The following HIP1 variants were observed in gnomAD, a reference collection of about 807,000 sequenced individuals.
HIP1 encodes the protein huntingtin interacting protein 1, also known as huntingtin-interacting protein 1.
In HIP1, 65 loss-of-function variants were observed where a neutral mutation model predicts 147.6. The ratio of observed to expected loss-of-function variants is 0.44; its 90% CI spans 0.36 to 0.54. The LOEUF (loss-of-function observed/expected upper bound fraction) is 0.54, where lower values mean the gene tolerates loss of function less well. Ranked by LOEUF, HIP1 falls within the 20% of genes least tolerant of loss-of-function variation. The pLI, the probability that HIP1 is intolerant of heterozygous loss-of-function variation, is 0.00. For synonymous variants in HIP1, 479 were observed against 504.0 expected, an observed-to-expected ratio of 0.95 and a Z score of 0.67; for missense variants, 1,061 against 1,299.6, an observed-to-expected ratio of 0.82 and a Z score of 2.82.
chr7:75,614,017 C>A (rs1182345177), intron 1 of HIP1, among the ~76,000 whole-genome samples: 18 of 151,408 alleles, frequency 1.2e-4, no homozygotes, highest in Non-Finnish European at 2.9e-5. Flanking sequence ...TGGGTTCAAG[C>A]AATCCTCCCA....
At chr7:75,670,776 C>T (rs1799707409) in intron 1 of HIP1, among the ~76,000 whole-genome samples, 1 of 118,478 alleles carries the variant, frequency 8.4e-6, no homozygotes, top group African/African-American at 3.5e-5. Flanking sequence ...CTGTACTCAG[C>T]TAATTAAAAC....
At chr7:75,653,654 T>C (rs991987882) in intron 1 of HIP1, among the ~76,000 whole-genome samples, 1 of 151,598 alleles carries the variant, frequency 6.6e-6, no homozygotes, top group Non-Finnish European at 1.5e-5. Flanking sequence ...AGCTCAGGAG[T>C]TTGAGACTAG....
At chr7:75,642,160 A>G (rs1388330980) in intron 1 of HIP1, among the ~76,000 whole-genome samples, 1 of 152,160 alleles carries the variant, frequency 6.6e-6, no homozygotes, top group Non-Finnish European at 1.5e-5. Flanking sequence ...GCACTTTGGG[A>G]GGCTGAGGTG....
chr7:75,601,311 G>T (rs1314688456), intron 1 of HIP1, among the ~76,000 whole-genome samples: 1 of 151,934 alleles, frequency 6.6e-6, no homozygotes, highest in Non-Finnish European at 1.5e-5. Context: ...GCTTATGGCC[G>T]GGCACAGTGG....
At chr7:75,636,024 C>CAAAA (rs34434184) in intron 1 of HIP1, among the ~76,000 whole-genome samples, 2 of 53,708 alleles carry the variant, frequency 3.7e-5, no homozygotes, top group African/African-American at 9.0e-5. Context: ...GACCCTGTCT[C>CAAAA]AAAAAAAAAA....
intron 4 of HIP1, 121 bp from the exon 5 acceptor site, chr7:75,586,954 AT>A: frequency 1.4e-6 from 1 of 696,328 alleles, no homozygotes; most frequent in Non-Finnish European, 2.6e-6. Context: ...TATTTTATTT[AT>A]TTAGAGATGG....
At chr7:75,606,326 T>C (rs1027157945) in intron 1 of HIP1, among the ~76,000 whole-genome samples, 7 of 152,102 alleles carry the variant, frequency 4.6e-5, no homozygotes, top group Non-Finnish European at 1.5e-5. Context: ...TCCAAGATGA[T>C]GCAGAGACTT....
chr7:75,567,359 C>G (rs1055696266), intron 9 of HIP1, among the ~76,000 whole-genome samples: 4 of 151,212 alleles, frequency 2.6e-5, no homozygotes, highest in African/African-American at 9.9e-5. Flanking sequence ...AGGATGAAGT[C>G]TGGGGCATAA....
At chr7:75,631,053 A>G (rs1280808017) in intron 1 of HIP1, among the ~76,000 whole-genome samples, 1 of 152,150 alleles carries the variant, frequency 6.6e-6, no homozygotes, top group Non-Finnish European at 1.5e-5. Flanking sequence ...TCTTGGGCTC[A>G]AGTGATCCAC....
chr7:75,533,832 G>C lies in HIP1; in HGVS notation c.*4340C>G. ...GAAGGAATTTGGCAGCAAACAGCTG[G>C]CTGGTTTGCTGCGCCGATGGCTGGC... is the stretch of plus-strand genomic sequence containing the variant. On this transcript the variant is annotated 3_prime_UTR_variant, in exon 31 of 31. Coordinates refer to ENST00000336926, the MANE Select transcript of HIP1 (RefSeq NM_005338.7). 4.3e-6 allele frequency: 1 copy of C among 235,232 alleles called. No homozygotes were observed. 14.6% of individuals were successfully genotyped at this position (235,232 alleles called of 1,614,324 possible). A position where few individuals can be genotyped will look rare whatever the true frequency, so the allele number is the denominator to read the frequency against.
intron 12 of HIP1, 51 bp downstream of exon 12, chr7:75,562,022 A>G (rs782082195): frequency 2.9e-6 from 3 of 1,045,164 alleles, no homozygotes; most frequent in African/African-American, 1.6e-5. Flanking sequence ...GAGGCAGACC[A>G]TGGCTTAACT....
intron 21 of HIP1, among the ~76,000 whole-genome samples, chr7:75,553,861 C>G (rs1015652001): frequency 1.3e-5 from 2 of 152,200 alleles, no homozygotes; most frequent in Non-Finnish European, 2.9e-5. Context: ...ACCTCGTCCT[C>G]CCAAAGTGTT....
intron 1 of HIP1, among the ~76,000 whole-genome samples, chr7:75,649,131 TCTC>T (rs1554511548): frequency 6.6e-6 from 1 of 152,116 alleles, no homozygotes; most frequent in Non-Finnish European, 1.5e-5. Context: ...TTCAAGCAAT[TCTC>T]CTGCCTCATC....
chr7:75,717,012 T>A (rs200882012), intron 1 of HIP1, among the ~76,000 whole-genome samples: 2 of 151,892 alleles, frequency 1.3e-5, no homozygotes, highest in East Asian at 3.9e-4. Context: ...AGAGATGGGG[T>A]CTCACTATAT....
At chr7:75,601,457 CG>C (rs1233101793) in intron 1 of HIP1, among the ~76,000 whole-genome samples, 15 of 151,876 alleles carry the variant, frequency 9.9e-5, no homozygotes, top group African/African-American at 3.4e-4. Flanking sequence ...GGCGTGGTGA[CG>C]GGCGCCTGTA....
At chr7:75,623,491 A>C (rs1797929024) in intron 1 of HIP1, among the ~76,000 whole-genome samples, 1 of 152,218 alleles carries the variant, frequency 6.6e-6, no homozygotes, top group Admixed American at 6.6e-5. Context: ...CAGATCCCAC[A>C]GTACAGACAC....
At chr7:75,577,602 T>C (rs587756246) in intron 7 of HIP1, among the ~76,000 whole-genome samples, 15 of 152,310 alleles carry the variant, frequency 9.8e-5, no homozygotes, top group African/African-American at 3.1e-4. Context: ...CATTCTTTTA[T>C]GGTTGAGGGC....
At chr7:75,633,173 T>C (rs587654789) in intron 1 of HIP1, among the ~76,000 whole-genome samples, 1 of 152,254 alleles carries the variant, frequency 6.6e-6, no homozygotes, top group Admixed American at 6.5e-5. Context: ...AAAATACATT[T>C]TACAGGGCCA....
chr7:75,555,799 G>A (rs1554493131), intron 18 of HIP1, among the ~76,000 whole-genome samples: 1 of 148,400 alleles, frequency 6.7e-6, no homozygotes, highest in Non-Finnish European at 1.5e-5. Flanking sequence ...GGGAGGAGAT[G>A]CCAAACTTCT....
Sources: allele counts gnomAD v4.1 joint callset (sites outside exome capture counted in the v4.1 genomes callset), GRCh38; gene constraint gnomAD v4.1.1; transcripts MANE v1.5; gene names NCBI Gene and HGNC (gene_info 2026-07-23, HGNC 2026-07-21).